The following NCAM2 variants were observed in gnomAD, a reference collection of about 807,000 sequenced individuals.
NCAM2 encodes neural cell adhesion molecule 2, also known as N-CAM-2.
Under a neutral mutation model 98.1 loss-of-function variants are expected in NCAM2, and 30 were observed. The ratio of observed to expected loss-of-function variants is 0.31; its 90% CI spans 0.23 to 0.41. NCAM2 has a LOEUF of 0.41. NCAM2 is among the 10% of genes least tolerant of loss of function. The pLI, the probability that NCAM2 is intolerant of heterozygous loss-of-function variation, is 1.00. For synonymous variants in NCAM2, 368 were observed against 342.4 expected (o/e 1.07, Z -0.83); for missense variants, 867 against 1,005.8 (o/e 0.86, Z 1.87).
chr21:21,292,317 A>T, intron 5 of NCAM2, 76 bp downstream of exon 5: 2 of 1,418,068 alleles, frequency 1.4e-6, no homozygotes, highest in Non-Finnish European at 1.9e-6. Context: ...AACCATGTGA[A>T]CTCAAAATAC....
At chr21:21,352,137 G>A (rs913356024) in intron 8 of NCAM2, among the ~76,000 whole-genome samples, 3 of 152,074 alleles carry the variant, frequency 2.0e-5, no homozygotes, top group African/African-American at 7.2e-5. Flanking sequence ...TGCAATCACA[G>A]CTCATTCAAG....
intron 1 of NCAM2, among the ~76,000 whole-genome samples, chr21:21,201,263 A>T (rs938459767): frequency 6.6e-5 from 10 of 152,210 alleles, no homozygotes; most frequent in Admixed American, 3.3e-4. Context: ...ATTTGAGCTG[A>T]TATGAAATAG....
At chr21:21,155,501 A>G (rs949966593) in intron 1 of NCAM2, among the ~76,000 whole-genome samples, 4 of 151,762 alleles carry the variant, frequency 2.6e-5, no homozygotes, top group Non-Finnish European at 5.9e-5. Flanking sequence ...ATGATTATTC[A>G]TCACATCACT....
chr21:21,340,088 A>T (rs2074982760), intron 8 of NCAM2, among the ~76,000 whole-genome samples: 1 of 151,846 alleles, frequency 6.6e-6, no homozygotes, highest in Non-Finnish European at 1.5e-5. Context: ...ATGTGAAATT[A>T]AAAAAATACA....
chr21:21,338,669 G>T, intron 8 of NCAM2, 135 bp downstream of exon 8: 2 of 912,558 alleles, frequency 2.2e-6, no homozygotes, highest in Non-Finnish European at 3.2e-6. Context: ...TTTTAAAAAG[G>T]TAACTAACAC....
intron 5 of NCAM2, among the ~76,000 whole-genome samples, chr21:21,317,430 C>G (rs914374941): frequency 6.6e-6 from 1 of 152,122 alleles, no homozygotes; most frequent in African/African-American, 2.4e-5. Context: ...TGAGTACTAC[C>G]AACTCTAAAA....
At chr21:21,043,291 T>TTA (rs1218144235) in intron 1 of NCAM2, among the ~76,000 whole-genome samples, 1 of 152,140 alleles carries the variant, frequency 6.6e-6, no homozygotes, top group East Asian at 1.9e-4. Context: ...TAATATGGAA[T>TTA]TATAGTAACA....
At chr21:21,318,102 G>A (rs1052919783) in intron 5 of NCAM2, among the ~76,000 whole-genome samples, 10 of 152,126 alleles carry the variant, frequency 6.6e-5, no homozygotes, top group Non-Finnish European at 1.3e-4. Context: ...TGGAAAAGGG[G>A]TGACCCAAGA....
intron 1 of NCAM2, among the ~76,000 whole-genome samples, chr21:21,229,042 CT>C (rs1281555880): frequency 4.0e-5 from 6 of 151,270 alleles, no homozygotes; most frequent in Non-Finnish European, 7.4e-5. Context: ...TGTGTATGTT[CT>C]TGTGAAATGG....
chr21:21,027,999 G>T (rs1204807988), intron 1 of NCAM2, among the ~76,000 whole-genome samples: 2 of 152,012 alleles, frequency 1.3e-5, no homozygotes, highest in African/African-American at 4.8e-5. Flanking sequence ...GAGCAGCTGG[G>T]ATTACAGGCA....
At chr21:21,014,224 G>A (rs2064264109) in intron 1 of NCAM2, among the ~76,000 whole-genome samples, 2 of 152,068 alleles carry the variant, frequency 1.3e-5, no homozygotes, top group South Asian at 4.1e-4. Context: ...AAGAGATCGA[G>A]ACCATCCTGG....
intron 1 of NCAM2, among the ~76,000 whole-genome samples, chr21:21,154,095 T>C (rs900157505): frequency 6.6e-6 from 1 of 151,934 alleles, no homozygotes; most frequent in Admixed American, 6.6e-5. Flanking sequence ...TTCATGTATA[T>C]TGTCTGTTTG....
intron 1 of NCAM2, among the ~76,000 whole-genome samples, chr21:21,027,858 G>GT (rs527303137): frequency 0.021 from 3,024 of 142,370 alleles, 50 homozygotes; most frequent in African/African-American, 0.049. Flanking sequence ...TGTTTCTTAA[G>GT]TTTTTTTTTT....
At position 21,130,999 on chromosome 21, in the gene NCAM2, G is replaced by A. The variant is rs140039044; in HGVS notation, c.55+132381G>A. On this transcript the variant is annotated intron_variant, in intron 1 of 17. Transcript: ENST00000400546. ...GTGATATGTTTTAAATTCTTTTGTGGAATTCATTAGATTTTTTTTGTTTCC... is the reference window on the plus strand; with the variant it reads ...GTGATATGTTTTAAATTCTTTTGTGAAATTCATTAGATTTTTTTTGTTTCC... Among the ~76,000 whole-genome samples, 393 of 152,178 alleles carry A rather than the reference G, an allele frequency of 2.6e-3. 1 individual carries two copies. The highest frequency in any genetic ancestry group is 4.4e-3 in the Non-Finnish European group (300 of 68,006).
chr21:21,308,810 AATCTT>A (rs1568916526), intron 5 of NCAM2, among the ~76,000 whole-genome samples: 1 of 152,160 alleles, frequency 6.6e-6, no homozygotes, highest in Non-Finnish European at 1.5e-5. Context: ...TTCAGAAAAT[AATCTT>A]ATCTTTCATT....
chr21:21,431,123 T>TTGTG (rs3037969), intron 11 of NCAM2, among the ~76,000 whole-genome samples: 57 of 141,238 alleles, frequency 4.0e-4, no homozygotes, highest in African/African-American at 1.4e-3. Context: ...TAATATATGT[T>TTGTG]TGTGTGTGTG....
chr21:21,465,556 TAATC>T (rs201712797), intron 12 of NCAM2, among the ~76,000 whole-genome samples: 79,400 of 151,114 alleles, frequency 0.53, 21,750 homozygotes, highest in African/African-American at 0.59. Context: ...AATTATAATA[TAATC>T]ATTAGAAATA....
At chr21:21,236,061 A>T (rs1455680194) in intron 1 of NCAM2, among the ~76,000 whole-genome samples, 1 of 152,000 alleles carries the variant, frequency 6.6e-6, no homozygotes, top group East Asian at 1.9e-4. Context: ...CAGGGACATA[A>T]ATACCCTGAA....
At chr21:21,235,714 T>C (rs1447402029) in intron 1 of NCAM2, among the ~76,000 whole-genome samples, 1 of 151,934 alleles carries the variant, frequency 6.6e-6, no homozygotes, top group African/African-American at 2.4e-5. Flanking sequence ...ATCTAGCACC[T>C]CAAACTCAGC....
Sources: allele counts gnomAD v4.1 joint callset (sites outside exome capture counted in the v4.1 genomes callset), GRCh38; gene constraint gnomAD v4.1.1; transcripts MANE v1.5; gene names NCBI Gene and HGNC (gene_info 2026-07-23, HGNC 2026-07-21).